Variants in CLNK observed in about 807,000 individuals in gnomAD.
The protein encoded by CLNK is cytokine-dependent hematopoietic cell linker.
CLNK carries 74 observed loss-of-function variants against 68.6 expected under a neutral mutation model. The observed-to-expected ratio is 1.08, with a 90% CI of 0.89 to 1.31. The LOEUF (loss-of-function observed/expected upper bound fraction) is 1.31. CLNK is among the 50% of genes most tolerant of loss of function. CLNK has a pLI of 0.00. For synonymous variants in CLNK, 198 were observed against 172.2 expected (o/e 1.15, Z -1.17); for missense variants, 553 against 515.3 (o/e 1.07, Z -0.71).
the CLNK span, among the ~76,000 whole-genome samples, chr4:10,716,030 T>A: frequency 3.3e-5 from 5 of 152,212 alleles, no homozygotes; most frequent in African/African-American, 1.2e-4. Flanking sequence ...TTTAATAATA[T>A]ATAACGAAGG....
chr4:10,533,778 C>T (rs539903788), intron 11 of CLNK, among the ~76,000 whole-genome samples: 1 of 152,142 alleles, frequency 6.6e-6, no homozygotes, highest in Non-Finnish European at 1.5e-5. Flanking sequence ...GGCTGTAGGG[C>T]TTCAATTTAA....
At chr4:10,705,660 T>C in the CLNK span, among the ~76,000 whole-genome samples, 2 of 152,318 alleles carry the variant, frequency 1.3e-5, no homozygotes, top group South Asian at 4.1e-4. Flanking sequence ...ACCCTTGCGA[T>C]TGTATTGGAC....
intron 2 of CLNK, among the ~76,000 whole-genome samples, chr4:10,631,528 T>C (rs1053592795): frequency 2.0e-5 from 3 of 149,566 alleles, no homozygotes; most frequent in Non-Finnish European, 4.5e-5. Flanking sequence ...GGACCCTTGG[T>C]GGATAGGCAG....
chr4:10,687,799 G>A (rs986928619), upstream of CLNK, among the ~76,000 whole-genome samples: 3 of 152,132 alleles, frequency 2.0e-5, no homozygotes, highest in South Asian at 2.1e-4. Flanking sequence ...ACTCCCTTGC[G>A]TTCATCTTCT....
chr4:10,685,292 A>G (rs1373753182), upstream of CLNK, among the ~76,000 whole-genome samples: 3 of 152,172 alleles, frequency 2.0e-5, no homozygotes, highest in African/African-American at 7.2e-5. Context: ...AGTGATAATA[A>G]TATTTGTATT....
chr4:10,555,683 A>G (rs1015203994), intron 8 of CLNK, among the ~76,000 whole-genome samples: 5 of 152,264 alleles, frequency 3.3e-5, no homozygotes, highest in African/African-American at 1.2e-4. Context: ...AAATATCACC[A>G]TAAAATCTGC....
At chr4:10,563,896 A>G (rs1719995725) in intron 7 of CLNK, among the ~76,000 whole-genome samples, 1 of 151,980 alleles carries the variant, frequency 6.6e-6, no homozygotes. Flanking sequence ...AACAGAGCAA[A>G]ACTCCATCTC....
intron 2 of CLNK, among the ~76,000 whole-genome samples, chr4:10,606,551 C>T (rs990658839): frequency 1.3e-5 from 2 of 151,996 alleles, no homozygotes; most frequent in Non-Finnish European, 1.5e-5. Flanking sequence ...GTGTACTTTA[C>T]GTAATTGTAT....
At chr4:10,639,211 TA>T (rs1723214393) in intron 2 of CLNK, among the ~76,000 whole-genome samples, 1 of 152,210 alleles carries the variant, frequency 6.6e-6, no homozygotes, top group Non-Finnish European at 1.5e-5. Flanking sequence ...CACTGCTGAG[TA>T]AGGCTGCATG....
At chr4:10,594,704 G>A (rs572508019) in intron 3 of CLNK, among the ~76,000 whole-genome samples, 4 of 152,270 alleles carry the variant, frequency 2.6e-5, no homozygotes, top group East Asian at 1.9e-4. Context: ...ACTCATCAGA[G>A]TAGAAATCTA....
intron 11 of CLNK, among the ~76,000 whole-genome samples, chr4:10,533,849 G>A (rs1313266811): frequency 1.3e-5 from 2 of 152,188 alleles, no homozygotes; most frequent in East Asian, 1.9e-4. Flanking sequence ...AGAGTTTGAA[G>A]TGTTTAAGAT....
At chr4:10,715,411 T>TA in the CLNK span, among the ~76,000 whole-genome samples, 1 of 152,200 alleles carries the variant, frequency 6.6e-6, no homozygotes, top group Non-Finnish European at 1.5e-5. Context: ...GCAATTCACT[T>TA]AAACTTCCAG....
At chr4:10,515,088 A>T (rs1717772762) in intron 15 of CLNK, among the ~76,000 whole-genome samples, 1 of 152,046 alleles carries the variant, frequency 6.6e-6, no homozygotes, top group African/African-American at 2.4e-5. Context: ...AAATACAAAA[A>T]TTATCCGGGC....
intron 13 of CLNK, among the ~76,000 whole-genome samples, chr4:10,527,065 C>T (rs1718349785): frequency 6.6e-6 from 1 of 152,204 alleles, no homozygotes; most frequent in Non-Finnish European, 1.5e-5. Flanking sequence ...GTGACTGGTC[C>T]ATGAATCATG....
chr4:10,537,637 C>CCCTTTCTT (rs1553848137), intron 11 of CLNK, among the ~76,000 whole-genome samples: 7,099 of 76,042 alleles, frequency 0.093, 955 homozygotes, highest in Admixed American at 0.12. Flanking sequence ...TTCTTTCTTT[C>CCCTTTCTT]TCTTTCTTTC....
At chr4:10,645,615 C>G (rs1723476134) in intron 2 of CLNK, among the ~76,000 whole-genome samples, 1 of 151,880 alleles carries the variant, frequency 6.6e-6, no homozygotes, top group African/African-American at 2.4e-5. Context: ...AATATATGTA[C>G]CAGGTACGTA....
chr4:10,593,857 G>A (rs1721282552), intron 3 of CLNK, among the ~76,000 whole-genome samples: 1 of 152,204 alleles, frequency 6.6e-6, no homozygotes, highest in African/African-American at 2.4e-5. Flanking sequence ...TCTGAATGTG[G>A]ATAGTGTGGT....
chr4:10,577,155 G>A (rs544566574), intron 4 of CLNK, among the ~76,000 whole-genome samples: 11 of 152,204 alleles, frequency 7.2e-5, no homozygotes, highest in Non-Finnish European at 1.5e-4. Context: ...AAGCAAGTCA[G>A]TTAGCAGGTT....
intron 4 of CLNK, among the ~76,000 whole-genome samples, chr4:10,578,661 A>G (rs2108832909): frequency 7.6e-6 from 1 of 132,014 alleles, no homozygotes; most frequent in South Asian, 2.3e-4. Flanking sequence ...ATCTTGGTTC[A>G]CTGCAACCTC....
Sources: gnomAD v4.1 joint callset for allele counts (sites outside exome capture counted in the v4.1 genomes callset) on GRCh38, gnomAD v4.1.1 for gene constraint, MANE v1.5 for transcripts, NCBI Gene and HGNC (gene_info 2026-07-23, HGNC 2026-07-21) for gene names.